SHROOM3: variants seen among roughly 807,000 people sequenced by gnomAD.
SHROOM3 encodes protein Shroom3.
A neutral mutation model predicts 138.6 loss-of-function variants in SHROOM3; 47 were observed. The ratio of observed to expected loss-of-function variants is 0.34; its 90% CI spans 0.27 to 0.43. The LOEUF (loss-of-function observed/expected upper bound fraction) is 0.43. Among genes scored for constraint, SHROOM3 ranks in the 20% least tolerant of loss-of-function variants. The pLI, the probability that SHROOM3 is intolerant of heterozygous loss-of-function variation, is 1.00. For synonymous variants in SHROOM3, 1,062 were observed against 1,063.3 expected (o/e 1.00, Z 0.02); for missense variants, 2,491 against 2,596.5 (o/e 0.96, Z 0.88).
chr4:76,754,355 T>G lies in SHROOM3; in HGVS notation c.3872T>G (p.Leu1291Arg). The G allele has an allele frequency of 6.2e-7, 1 of 1,614,186 alleles. No individual in the cohort carries two copies. The highest frequency in any genetic ancestry group is 8.5e-7 in the Non-Finnish European group (1 of 1,180,026). The change falls in exon 7 of 11, where the codon CTC (leucine) becomes CGC (arginine). Residue 1291 changes from leucine to arginine, a missense_variant. This residue lies in a region of SHROOM3 where 1,733 missense variants were observed against 1,661.6 expected (regional missense o/e 1.04). Coordinates refer to ENST00000296043, the MANE Select transcript of SHROOM3 (RefSeq NM_020859.4). The part of the protein sequence containing the change: ...SERGQEEMLP[L>R]FHHLTPRWGG... ...AGAGGCCAAGAAGAGATGCTGCCGC[T>G]CTTCCACCATCTCACCCCTCGTTGG...
intron 2 of SHROOM3, among the ~76,000 whole-genome samples, chr4:76,692,902 T>C (rs910558031): frequency 1.3e-5 from 2 of 152,200 alleles, no homozygotes. Context: ...TATGTTTTGT[T>C]TTTCGTGATG....
chr4:76,601,608 G>A (rs1734506610), intron 2 of SHROOM3, among the ~76,000 whole-genome samples: 2 of 152,118 alleles, frequency 1.3e-5, no homozygotes, highest in Admixed American at 6.6e-5. Context: ...AGGTTCAAGC[G>A]ATTCTCCTGC....
intron 2 of SHROOM3, among the ~76,000 whole-genome samples, chr4:76,698,876 T>A (rs933476382): frequency 6.6e-6 from 1 of 152,212 alleles, no homozygotes; most frequent in Non-Finnish European, 1.5e-5. Flanking sequence ...CTATATTTTC[T>A]GTTCTTATCT....
intron 9 of SHROOM3, among the ~76,000 whole-genome samples, chr4:76,765,351 C>T (rs935151591): frequency 3.8e-5 from 3 of 79,932 alleles, no homozygotes; most frequent in Admixed American, 3.0e-4. Context: ...CCCATCTCTA[C>T]AAAAAAAAAA....
chr4:76,666,006 T>C (rs1718683061), intron 2 of SHROOM3, among the ~76,000 whole-genome samples: 1 of 152,166 alleles, frequency 6.6e-6, no homozygotes, highest in South Asian at 2.1e-4. Context: ...ACGTTCCAGC[T>C]GAACACTTTT....
At chr4:76,658,958 G>A (rs1011979445) in intron 2 of SHROOM3, among the ~76,000 whole-genome samples, 1 of 151,716 alleles carries the variant, frequency 6.6e-6, no homozygotes, top group African/African-American at 2.4e-5. Context: ...TAACTAATTT[G>A]TGGTGGACTT....
At chr4:76,753,257 A>G (rs534186354) in intron 6 of SHROOM3, among the ~76,000 whole-genome samples, 1 of 152,350 alleles carries the variant, frequency 6.6e-6, no homozygotes, top group South Asian at 2.1e-4. Context: ...TCTATGTATA[A>G]TAAAGGAAAA....
At chr4:76,580,980 G>A (rs906368163) in intron 2 of SHROOM3, among the ~76,000 whole-genome samples, 3 of 151,798 alleles carry the variant, frequency 2.0e-5, no homozygotes, top group South Asian at 2.1e-4. Context: ...TGTGCACAAC[G>A]TGCCTTATTT....
At chr4:76,652,455 T>C (rs966835182) in intron 2 of SHROOM3, among the ~76,000 whole-genome samples, 2 of 152,084 alleles carry the variant, frequency 1.3e-5, no homozygotes, top group African/African-American at 4.8e-5. Flanking sequence ...TCTCCAAACA[T>C]TGGGAGGTTG....
Position 76,739,979 on chromosome 4 carries a change from C to T in SHROOM3, c.1806C>T (p.Ser602=). 4 of 1,614,100 alleles carry T rather than the reference C, an allele frequency of 2.5e-6. No homozygotes were observed. Among genetic ancestry groups the T allele is most frequent in the Non-Finnish European group, 3.4e-6 (4 of 1,180,048 alleles). Residue 602 remains serine (S), a synonymous_variant, in exon 5 of 11, where the codon AGC becomes AGT. Transcript: ENST00000296043. ...ACAAACCATCTTCTCATCCCCACAGCCTCAAATGCCCTCAGGCTCAGGCCT... is the reference window on the plus strand; with the variant it reads ...ACAAACCATCTTCTCATCCCCACAGTCTCAAATGCCCTCAGGCTCAGGCCT... ...HSNKPSSHPH[S]LKCPQAQAWQ...
chr4:76,710,057 G>C (rs1720184405), intron 2 of SHROOM3, 99 bp from the exon 3 acceptor site: 2 of 1,527,568 alleles, frequency 1.3e-6, no homozygotes, highest in Admixed American at 3.4e-5. Flanking sequence ...TCTGGCTCCG[G>C]GGTTCGTTTT....
At chr4:76,516,914 CCA>C (rs1341473667) in intron 1 of SHROOM3, among the ~76,000 whole-genome samples, 6 of 152,262 alleles carry the variant, frequency 3.9e-5, no homozygotes, top group Non-Finnish European at 7.4e-5. Flanking sequence ...TCCATCATAC[CCA>C]GATTTTAATG....
intron 1 of SHROOM3, chr4:76,509,211 A>ATTT: frequency 6.7e-6 from 1 of 149,708 alleles, no homozygotes; most frequent in African/African-American, 2.5e-5. Context: ...AATTTTTTTA[A>ATTT]AATTTCATTT....
At chr4:76,582,057 T>G (rs1436476470) in intron 2 of SHROOM3, among the ~76,000 whole-genome samples, 1 of 152,224 alleles carries the variant, frequency 6.6e-6, no homozygotes, top group Non-Finnish European at 1.5e-5. Flanking sequence ...TTGCTCTAGG[T>G]GTTTGGAACT....
chr4:76,461,980 T>C (rs1372565797), intron 1 of SHROOM3, among the ~76,000 whole-genome samples: 1 of 152,208 alleles, frequency 6.6e-6, no homozygotes, highest in Non-Finnish European at 1.5e-5. Flanking sequence ...AAGGGTGTGA[T>C]AATTGCTTTT....
intron 2 of SHROOM3, among the ~76,000 whole-genome samples, chr4:76,565,183 G>A (rs200677180): frequency 1.2e-3 from 159 of 134,010 alleles, no homozygotes; most frequent in African/African-American, 4.0e-3. Context: ...AAAAAAAAAA[G>A]AATGGCACTC....
At chr4:76,677,734 A>G (rs1194643232) in intron 2 of SHROOM3, among the ~76,000 whole-genome samples, 1 of 152,230 alleles carries the variant, frequency 6.6e-6, no homozygotes, top group Non-Finnish European at 1.5e-5. Flanking sequence ...TGTGCCCACT[A>G]TAAGAATTTT....
intron 2 of SHROOM3, among the ~76,000 whole-genome samples, chr4:76,608,626 TATAGCATAGCATAGC>T (rs1303852174): frequency 4.0e-5 from 4 of 100,836 alleles, no homozygotes; most frequent in African/African-American, 1.4e-4. Flanking sequence ...ACAGAGATGG[TATAGCATAGCATAGC>T]ATAGCATAGC....
intron 2 of SHROOM3, 76 bp from the exon 3 acceptor site, chr4:76,710,080 C>T (rs1019346662): frequency 1.5e-5 from 24 of 1,605,134 alleles, no homozygotes; most frequent in Non-Finnish European, 1.9e-5. Context: ...TGTGCTTTTT[C>T]GGTTTTTAAG....
Sources: allele counts gnomAD v4.1 joint callset (sites outside exome capture counted in the v4.1 genomes callset), GRCh38; gene constraint gnomAD v4.1.1; regional missense constraint gnomAD v4.1.1; transcripts MANE v1.5; gene names NCBI Gene and HGNC (gene_info 2026-07-23, HGNC 2026-07-21).